MTARC1: variants seen among roughly 807,000 people sequenced by gnomAD.
MTARC1 encodes the protein mitochondrial amidoxime reducing component 1, also known as mitochondrial amidoxime-reducing component 1.
Under a neutral mutation model 33.6 loss-of-function variants are expected in MTARC1, and 24 were observed. The observed-to-expected ratio is 0.72, with a 90% CI of 0.52 to 1.01. The LOEUF (loss-of-function observed/expected upper bound fraction) is 1.01. Ranked by LOEUF, MTARC1 falls within the 50% of genes least tolerant of loss-of-function variation. The pLI is 0.00. For missense variants in MTARC1, 417 were observed against 445.7 expected (o/e 0.94, Z 0.58); for synonymous variants, 187 against 189.5 (o/e 0.99, Z 0.11).
chr1:220,806,004 G>T (rs1284735430), intron 6 of MTARC1, among the ~76,000 whole-genome samples: 1 of 152,154 alleles, frequency 6.6e-6, no homozygotes, highest in Admixed American at 6.5e-5. Context: ...ATGCACATGA[G>T]TAGATAAAAG....
At chr1:220,789,945 A>G (rs1672372152) in intron 1 of MTARC1, among the ~76,000 whole-genome samples, 1 of 152,102 alleles carries the variant, frequency 6.6e-6, no homozygotes, top group Non-Finnish European at 1.5e-5. Flanking sequence ...ATTGGTACAG[A>G]GTTTCTGTTT....
chr1:220,788,713 C>T (rs796943511), intron 1 of MTARC1, among the ~76,000 whole-genome samples: 14 of 151,086 alleles, frequency 9.3e-5, no homozygotes, highest in African/African-American at 3.2e-4. Flanking sequence ...GGCGTGAACC[C>T]GGGAGGCGGA....
chr1:220,809,308 G>T (rs1673058100), intron 6 of MTARC1, among the ~76,000 whole-genome samples: 1 of 152,120 alleles, frequency 6.6e-6, no homozygotes, highest in Admixed American at 6.5e-5. Context: ...GTAAGCTGCG[G>T]TCATTGAGAG....
chr1:220,795,776 C>G (rs1014042115), intron 2 of MTARC1, among the ~76,000 whole-genome samples: 7 of 152,120 alleles, frequency 4.6e-5, no homozygotes, highest in African/African-American at 1.7e-4. Context: ...GTCTCTGGAC[C>G]TAAGGTGTGT....
Position 220,786,955 on chromosome 1 carries a change from C to G in MTARC1, c.11C>G (p.Ala4Gly). MGA[A>G]GSSALARFVL... ...GCGGAGAAGCCAGCCATGGGCGCCG[C>G]CGGCTCCTCCGCGCTGGCGCGCTTT... The change falls in exon 1 of 7, where the codon GCC becomes GGC. Residue 4 changes from alanine to glycine, a missense_variant. Coordinates refer to ENST00000366910, the MANE Select transcript of MTARC1 (RefSeq NM_022746.4). 1 of 1,242,124 alleles carries G rather than the reference C, an allele frequency of 8.1e-7. No individual in the cohort carries two copies. The highest frequency in any genetic ancestry group is 1.6e-5 in the African/African-American group (1 of 64,152). The allele number at this position is 1,242,124 out of a possible 1,614,324, so 76.9% of individuals were successfully genotyped here.
chr1:220,805,392 C>T (rs1672941545), intron 6 of MTARC1, 118 bp downstream of exon 6: 2 of 1,060,922 alleles, frequency 1.9e-6, no homozygotes, highest in Non-Finnish European at 2.9e-6. Context: ...AGTCTTGAAA[C>T]TCAAGAGGGT....
At chr1:220,803,220 G>T (rs72472329) in intron 4 of MTARC1, among the ~76,000 whole-genome samples, 5 of 152,158 alleles carry the variant, frequency 3.3e-5, no homozygotes, top group African/African-American at 1.2e-4. Context: ...GAGAGTGCGT[G>T]CAGGGGAACT....
intron 2 of MTARC1, among the ~76,000 whole-genome samples, chr1:220,794,646 G>T (rs1672546594): frequency 6.6e-6 from 1 of 152,016 alleles, no homozygotes; most frequent in Admixed American, 6.6e-5. Context: ...GCTCTGAAAG[G>T]TAATATCCAT....
chr1:220,807,139 CA>C (rs1046006534), intron 6 of MTARC1, among the ~76,000 whole-genome samples: 22 of 144,170 alleles, frequency 1.5e-4, no homozygotes, highest in East Asian at 1.0e-3. Context: ...ACTTTCACCT[CA>C]AAAAAAAAAG....
chr1:220,803,677 T>C (rs1297462256), intron 4 of MTARC1, among the ~76,000 whole-genome samples: 4 of 148,576 alleles, frequency 2.7e-5, no homozygotes, highest in Non-Finnish European at 5.9e-5. Context: ...TCAGTGCTTA[T>C]GACTCAATCT....
chr1:220,807,150 G>C (rs937577606), intron 6 of MTARC1, among the ~76,000 whole-genome samples: 1 of 151,772 alleles, frequency 6.6e-6, no homozygotes, highest in African/African-American at 2.4e-5. Context: ...AAAAAAAAAA[G>C]CAAATAATGG....
rs72472317 is a variant in MTARC1, at chr1:220,801,472, CT to C, written c.753+3459del. On this transcript the variant is annotated intron_variant, in intron 4 of 6. Coordinates refer to ENST00000366910, the MANE Select transcript of MTARC1 (RefSeq NM_022746.4). ...GTATCTCCAGCCCCTAGGAGAGCCC[CT>C]GGTACATAGAAGGTGTGCACTAATT... Among the ~76,000 whole-genome samples the C allele has an allele frequency of 3.5e-3, 528 of 152,270 alleles. 25 individuals carry two copies. In the East Asian group the frequency reaches 0.078, roughly 23 times the overall value.
At chr1:220,788,824 A>G (rs550838928) in intron 1 of MTARC1, among the ~76,000 whole-genome samples, 31 of 151,482 alleles carry the variant, frequency 2.0e-4, no homozygotes, top group African/African-American at 7.3e-4. Flanking sequence ...CATGTTTCGT[A>G]TAGTAGGCTC....
At position 220,818,347 on chromosome 1, in the gene MTARC1, C is replaced by T. The variant is rs1050132561; in HGVS notation, c.*4929C>T. The T allele has an allele frequency of 3.3e-5, 5 of 152,196 alleles. No individual in the cohort carries two copies. Among genetic ancestry groups the T allele is most frequent in the African/African-American group, 9.7e-5 (4 of 41,444 alleles). The allele number at this position is 152,196 out of a possible 1,614,324, so 9.4% of individuals were successfully genotyped here. On this transcript the variant is annotated 3_prime_UTR_variant, in exon 7 of 7. Transcript: ENST00000366910. The stretch of plus-strand genomic sequence containing the variant: ...TTGCCTTAATTACATTATTATTCTT[C>T]CTGGACAGGCTGTAGGTTGTGTAAA...
chr1:220,813,006 A>AT (rs2102612582), intron 6 of MTARC1, among the ~76,000 whole-genome samples: 1 of 152,270 alleles, frequency 6.6e-6, no homozygotes, highest in African/African-American at 2.4e-5. Flanking sequence ...GATTACAGGC[A>AT]TGAGCCACCA....
intron 4 of MTARC1, among the ~76,000 whole-genome samples, chr1:220,803,287 T>C (rs1203525445): frequency 3.3e-5 from 5 of 152,096 alleles, no homozygotes; most frequent in Non-Finnish European, 7.4e-5. Flanking sequence ...AAAAAAAGCA[T>C]GGGAAAGACC....
chr1:220,815,567 G>A lies in MTARC1; in HGVS notation c.*2149G>A, dbSNP rs1051779675. ...TTCCTGTTTGAAGAGAGAAGTTCCAGTGACCTCTAGAATCTCAGAGTAGTT... is the reference window on the plus strand; with the variant it reads ...TTCCTGTTTGAAGAGAGAAGTTCCAATGACCTCTAGAATCTCAGAGTAGTT... On this transcript the variant is annotated 3_prime_UTR_variant, in exon 7 of 7. Coordinates refer to ENST00000366910, the MANE Select transcript of MTARC1 (RefSeq NM_022746.4). 1 of 152,212 alleles carries A rather than the reference G, an allele frequency of 6.6e-6. No individual in the cohort carries two copies. Among genetic ancestry groups the A allele is most frequent in the African/African-American group, 2.4e-5 (1 of 41,456 alleles). The allele number at this position is 152,212 out of a possible 1,614,324, so 9.4% of individuals were successfully genotyped here. A position where few individuals can be genotyped will look rare whatever the true frequency, so the allele number is the denominator to read the frequency against.
Position 220,786,933 on chromosome 1 carries a change from G to T in MTARC1, c.-12G>T. The T allele has an allele frequency of 8.1e-7, 1 of 1,232,554 alleles. No homozygotes were observed. 76.4% of individuals were successfully genotyped at this position (1,232,554 alleles called of 1,614,324 possible). ...CCGGCCTTGCCGCCGCCACCTCGCG[G>T]AGAAGCCAGCCATGGGCGCCGCCGG... On this transcript the variant is annotated 5_prime_UTR_variant, in exon 1 of 7. Coordinates refer to ENST00000366910, the MANE Select transcript of MTARC1 (RefSeq NM_022746.4).
chr1:220,797,090 C>A (rs1223933407), intron 3 of MTARC1, among the ~76,000 whole-genome samples: 7 of 152,174 alleles, frequency 4.6e-5, no homozygotes, highest in Non-Finnish European at 1.0e-4. Context: ...GTCTTTTTTT[C>A]ATTCCATTCT....
Sources: allele counts gnomAD v4.1 joint callset (sites outside exome capture counted in the v4.1 genomes callset), GRCh38; gene constraint gnomAD v4.1.1; transcripts MANE v1.5; gene names NCBI Gene and HGNC (gene_info 2026-07-23, HGNC 2026-07-21).